Variants in RGS6 observed in about 807,000 individuals in gnomAD.
RGS6 encodes regulator of G protein signaling 6.
A neutral mutation model predicts 78.5 loss-of-function variants in RGS6; 30 were observed. The observed-to-expected ratio is 0.38, with a 90% CI of 0.29 to 0.52. The LOEUF is 0.52. Ranked by LOEUF, RGS6 falls within the 20% of genes least tolerant of loss-of-function variation. RGS6 has a pLI of 0.85. For synonymous variants in RGS6, 206 were observed against 206.0 expected (o/e 1.00, Z 0.00); for missense variants, 495 against 609.7 (o/e 0.81, Z 1.98).
At chr14:72,412,027 T>C (rs1307659627) in intron 3 of RGS6, among the ~76,000 whole-genome samples, 1 of 152,148 alleles carries the variant, frequency 6.6e-6, no homozygotes, top group African/African-American at 2.4e-5. Flanking sequence ...TCTAAAATTC[T>C]CTTTTTATGT....
the RGS6 span, among the ~76,000 whole-genome samples, chr14:72,603,951 G>A: frequency 6.6e-6 from 1 of 152,180 alleles, no homozygotes; most frequent in African/African-American, 2.4e-5. Flanking sequence ...GAAGTTTAAG[G>A]AGTTATCTTT....
chr14:72,333,041 A>C (rs141214843), intron 2 of RGS6, among the ~76,000 whole-genome samples: 6 of 152,254 alleles, frequency 3.9e-5, no homozygotes, highest in African/African-American at 1.2e-4. Context: ...TGGAGAACAC[A>C]GCAGTGGGCA....
chr14:72,163,882 CAAAA>C (rs35453428), intron 2 of RGS6, among the ~76,000 whole-genome samples: 1 of 124,678 alleles, frequency 8.0e-6, no homozygotes, highest in African/African-American at 3.0e-5. Flanking sequence ...GACTCCATCT[CAAAA>C]AAAAAAAAAA....
At position 72,318,747 on chromosome 14, in the gene RGS6, G is replaced by A. The variant is rs532262944; in HGVS notation, c.85-33348G>A. ...GCCAATAAGCCTTTGTTTGGAAAAT[G>A]GCAAGGGTATTGCAAGACTGGAAGT... On this transcript the variant is annotated intron_variant, in intron 2 of 17. Coordinates refer to ENST00000553525, the MANE Select transcript of RGS6 (RefSeq NM_001204424.2). Among the ~76,000 whole-genome samples the A allele has an allele frequency of 5.3e-5, 8 of 152,266 alleles. 1 individual carries two copies. The highest frequency in any genetic ancestry group is 5.2e-4 in the Admixed American group (8 of 15,294).
intron 2 of RGS6, among the ~76,000 whole-genome samples, chr14:72,176,090 T>C (rs1312571190): frequency 6.6e-6 from 1 of 152,184 alleles, no homozygotes; most frequent in Non-Finnish European, 1.5e-5. Flanking sequence ...GCAAATCTCA[T>C]AGGTGGCCCT....
At chr14:72,398,172 A>G (rs1306928119) in intron 3 of RGS6, among the ~76,000 whole-genome samples, 17 of 152,048 alleles carry the variant, frequency 1.1e-4, no homozygotes, top group South Asian at 4.1e-4. Flanking sequence ...CTGTGAATCC[A>G]TCTGGTCCTG....
At chr14:71,896,422 G>A in the RGS6 span, among the ~76,000 whole-genome samples, 1 of 152,096 alleles carries the variant, frequency 6.6e-6, no homozygotes, top group African/African-American at 2.4e-5. Flanking sequence ...GGCGCTGGTG[G>A]GAGTGTAGCA....
At chr14:72,361,834 G>A (rs2081518782) in intron 3 of RGS6, among the ~76,000 whole-genome samples, 2 of 152,154 alleles carry the variant, frequency 1.3e-5, no homozygotes, top group African/African-American at 4.8e-5. Context: ...GTGTGTTTTA[G>A]AGAAGAGGGA....
intron 2 of RGS6, among the ~76,000 whole-genome samples, chr14:72,151,374 A>T (rs143635541): frequency 9.8e-4 from 150 of 152,392 alleles, no homozygotes; most frequent in Non-Finnish European, 1.7e-3. Flanking sequence ...TCCTGACATT[A>T]TCAGCAGGAC....
intron 2 of RGS6, among the ~76,000 whole-genome samples, chr14:71,992,022 CTT>C (rs11463702): frequency 0.081 from 11,377 of 140,940 alleles, 570 homozygotes; most frequent in East Asian, 0.21. Context: ...TCTAGAATAT[CTT>C]TTTTTTTTTT....
chr14:72,264,911 C>T (rs1356815116), intron 2 of RGS6, among the ~76,000 whole-genome samples: 5 of 152,154 alleles, frequency 3.3e-5, no homozygotes, highest in East Asian at 1.9e-4. Flanking sequence ...AGGAACCTCT[C>T]GGTACCACGT....
chr14:72,206,873 T>C (rs1416058259), intron 2 of RGS6, among the ~76,000 whole-genome samples: 2 of 152,144 alleles, frequency 1.3e-5, no homozygotes, highest in Non-Finnish European at 2.9e-5. Context: ...ATAAAATACA[T>C]GTACAACCAC....
chr14:72,026,264 G>A (rs142889963), intron 2 of RGS6, among the ~76,000 whole-genome samples: 30 of 152,062 alleles, frequency 2.0e-4, no homozygotes, highest in African/African-American at 6.0e-4. Flanking sequence ...AAAATTAGCC[G>A]GGCATGGTGG....
At chr14:72,277,407 C>A (rs1350961840) in intron 2 of RGS6, among the ~76,000 whole-genome samples, 1 of 151,498 alleles carries the variant, frequency 6.6e-6, no homozygotes, top group Non-Finnish European at 1.5e-5. Context: ...ACCATCCTGG[C>A]CAACATGGTG....
chr14:72,177,798 TAGG>T (rs1156447793), intron 2 of RGS6, among the ~76,000 whole-genome samples: 3 of 152,214 alleles, frequency 2.0e-5, no homozygotes, highest in Non-Finnish European at 4.4e-5. Context: ...ATTCTAGTAA[TAGG>T]AGAAAATCGC....
intron 2 of RGS6, among the ~76,000 whole-genome samples, chr14:72,018,599 C>T (rs2087626088): frequency 6.6e-6 from 1 of 152,222 alleles, no homozygotes; most frequent in African/African-American, 2.4e-5. Flanking sequence ...CTTTTATTCT[C>T]CTCCCTTGGA....
intron 2 of RGS6, among the ~76,000 whole-genome samples, chr14:72,014,486 G>A (rs1023700690): frequency 6.6e-6 from 1 of 152,226 alleles, no homozygotes; most frequent in Non-Finnish European, 1.5e-5. Context: ...TGGAAAGAGT[G>A]AAGAGTCACT....
At chr14:72,399,115 TTC>T (rs2091960469) in intron 3 of RGS6, among the ~76,000 whole-genome samples, 1 of 147,532 alleles carries the variant, frequency 6.8e-6, no homozygotes, top group Admixed American at 6.8e-5. Flanking sequence ...CTTGTTAACT[TTC>T]TGTCTCGTTG....
chr14:72,523,898 C>T (rs1365341441), intron 15 of RGS6, among the ~76,000 whole-genome samples: 2 of 152,080 alleles, frequency 1.3e-5, no homozygotes, highest in East Asian at 3.8e-4. Flanking sequence ...ACCATGTGGC[C>T]TTAAAGGACC....
Sources: gnomAD v4.1 joint callset for allele counts (sites outside exome capture counted in the v4.1 genomes callset) on GRCh38, gnomAD v4.1.1 for gene constraint, MANE v1.5 for transcripts, NCBI Gene and HGNC (gene_info 2026-07-23, HGNC 2026-07-21) for gene names.